Variants in CALN1 observed in about 807,000 individuals in gnomAD.
CALN1 encodes the protein calcium-binding protein 8.
CALN1 carries 17 observed loss-of-function variants against 30.6 expected under a neutral mutation model. The ratio of observed to expected loss-of-function variants is 0.56; its 90% CI spans 0.38 to 0.83. The LOEUF (loss-of-function observed/expected upper bound fraction) is 0.83. Ranked by LOEUF, CALN1 falls within the 40% of genes least tolerant of loss-of-function variation. CALN1 has a pLI of 0.00. For synonymous variants in CALN1, 156 were observed against 131.4 expected (o/e 1.19, Z -1.28); for missense variants, 291 against 354.9 (o/e 0.82, Z 1.45).
chr7:72,472,445 A>T, the CALN1 span, among the ~76,000 whole-genome samples: 1 of 152,090 alleles, frequency 6.6e-6, no homozygotes, highest in Non-Finnish European at 1.5e-5. Context: ...CATTGGCCAG[A>T]TCTGAAAGGT....
rs193073347 is a variant in CALN1, at chr7:72,072,603, T to C, written c.388+33548A>G. On this transcript the variant is annotated intron_variant, in intron 4 of 6. Transcript: ENST00000395275. ...ATCACAAAAAAATGGTGCAATTATG[T>C]GGGCAATTATAAAATCTAGTATTAT... Among the ~76,000 whole-genome samples, 210 of 152,328 alleles carry C rather than the reference T, an allele frequency of 1.4e-3. 2 individuals carry two copies. Among genetic ancestry groups the C allele is most frequent in the Middle Eastern group, 0.014 (4 of 294 alleles).
chr7:72,154,662 A>G (rs1421603397), intron 3 of CALN1, among the ~76,000 whole-genome samples: 1 of 151,988 alleles, frequency 6.6e-6, no homozygotes, highest in African/African-American at 2.4e-5. Flanking sequence ...TGAAGTCCTA[A>G]CCTCCAGCAG....
chr7:71,959,639 G>A (rs1797138697), intron 5 of CALN1, among the ~76,000 whole-genome samples: 1 of 147,418 alleles, frequency 6.8e-6, no homozygotes. Context: ...TTTTTTTTAA[G>A]TGGGGGAAGG....
intron 3 of CALN1, among the ~76,000 whole-genome samples, chr7:72,191,548 G>A (rs569990372): frequency 1.8e-4 from 16 of 89,940 alleles, no homozygotes; most frequent in African/African-American, 5.1e-4. Context: ...GTGAGACTCC[G>A]TCTCAAAAAA....
chr7:72,018,057 G>A (rs1215433906), intron 5 of CALN1, among the ~76,000 whole-genome samples: 3 of 151,990 alleles, frequency 2.0e-5, no homozygotes, highest in Admixed American at 2.0e-4. Context: ...CAAACTCATG[G>A]CAGAACACGG....
chr7:72,114,491 GA>G (rs1209965943), intron 3 of CALN1, among the ~76,000 whole-genome samples: 1 of 151,768 alleles, frequency 6.6e-6, no homozygotes, highest in African/African-American at 2.4e-5. Flanking sequence ...AGGTGATGCT[GA>G]AAATATGACA....
intron 5 of CALN1, among the ~76,000 whole-genome samples, chr7:72,022,919 TTA>T (rs1800788074): frequency 1.8e-5 from 2 of 109,954 alleles, no homozygotes; most frequent in African/African-American, 3.8e-5. Context: ...ATAAATAAAA[TTA>T]AAAAAAAAAA....
intron 6 of CALN1, among the ~76,000 whole-genome samples, chr7:71,794,020 A>G (rs1786737828): frequency 6.6e-6 from 1 of 152,166 alleles, no homozygotes. Context: ...ATTGAACACC[A>G]GCCTCAGCGG....
intron 3 of CALN1, among the ~76,000 whole-genome samples, chr7:72,198,714 G>C (rs1341414859): frequency 6.6e-6 from 1 of 152,176 alleles, no homozygotes; most frequent in African/African-American, 2.4e-5. Flanking sequence ...AACTGGGCCA[G>C]AAAAGAGAAG....
chr7:72,335,005 C>G (rs913092223), intron 2 of CALN1, among the ~76,000 whole-genome samples: 4 of 152,176 alleles, frequency 2.6e-5, no homozygotes, highest in African/African-American at 4.8e-5. Context: ...GCCGGGGGAA[C>G]TAGCAAAGTT....
rs989849492 is a variant in CALN1, at chr7:72,419,565, C to T, written c.-225-7290G>A. On this transcript the variant is annotated intron_variant, in intron 1 of 6. Coordinates refer to the CALN1 transcript ENST00000395276. ...TTCTCCCAGTTGGCCTTAGAGTCAT[C>T]CTGATATAGAATGGCTGGGCTCCTG... 4.6e-5 allele frequency among the ~76,000 whole-genome samples: 7 copies of T among 152,138 alleles called. No individual in the cohort carries two copies. In the South Asian group the frequency reaches 6.2e-4, roughly 14 times the overall value.
chr7:72,427,070 C>G (rs1030287047), intron 1 of CALN1, among the ~76,000 whole-genome samples: 1 of 152,234 alleles, frequency 6.6e-6, no homozygotes, highest in Non-Finnish European at 1.5e-5. Flanking sequence ...GCAGCCTCAA[C>G]TTTCTGGGAT....
intron 3 of CALN1, among the ~76,000 whole-genome samples, chr7:72,230,141 AAAAAAC>A (rs904307587): frequency 4.0e-5 from 6 of 151,844 alleles, no homozygotes; most frequent in African/African-American, 1.2e-4. Flanking sequence ...ACTCCGTCTC[AAAAAAC>A]AAAAACAAAA....
chr7:72,017,029 T>C (rs887393461), intron 5 of CALN1, among the ~76,000 whole-genome samples: 1 of 104,492 alleles, frequency 9.6e-6, no homozygotes, highest in African/African-American at 5.5e-5. Context: ...CTGGGTATGG[T>C]GGCACACACC....
intron 2 of CALN1, among the ~76,000 whole-genome samples, chr7:72,386,746 C>T (rs772872646): frequency 7.9e-5 from 12 of 152,068 alleles, no homozygotes; most frequent in Non-Finnish European, 1.6e-4. Flanking sequence ...AGAGATCCTC[C>T]TACCTCAGCA....
At chr7:72,087,591 C>A (rs1033501308) in intron 4 of CALN1, among the ~76,000 whole-genome samples, 5 of 152,118 alleles carry the variant, frequency 3.3e-5, no homozygotes, top group Non-Finnish European at 7.4e-5. Context: ...GATAATTCCA[C>A]AGAGAGGAGA....
chr7:72,082,805 A>T (rs1468573904), intron 4 of CALN1, among the ~76,000 whole-genome samples: 1 of 152,202 alleles, frequency 6.6e-6, no homozygotes, highest in Non-Finnish European at 1.5e-5. Flanking sequence ...AGTGCCTGGC[A>T]GGAGGGTTCT....
chr7:72,428,375 T>G (rs575072505), intron 1 of CALN1, among the ~76,000 whole-genome samples: 5 of 151,366 alleles, frequency 3.3e-5, no homozygotes, highest in Non-Finnish European at 5.9e-5. Flanking sequence ...TGATTTTTTT[T>G]TTGTTTTTAT....
chr7:71,941,003 C>T (rs540320720), intron 5 of CALN1, among the ~76,000 whole-genome samples: 18 of 152,174 alleles, frequency 1.2e-4, no homozygotes, highest in African/African-American at 2.4e-5. Flanking sequence ...AACAAGACTC[C>T]AAGGTTTAAT....
Sources: gnomAD v4.1 joint callset for allele counts (sites outside exome capture counted in the v4.1 genomes callset) on GRCh38, gnomAD v4.1.1 for gene constraint, MANE v1.5 for transcripts, NCBI Gene and HGNC (gene_info 2026-07-23, HGNC 2026-07-21) for gene names.